LIMCH1: variants seen among roughly 807,000 people sequenced by gnomAD.
LIMCH1 encodes the protein LIM and calponin homology domains-containing protein 1.
In LIMCH1, 113 loss-of-function variants were observed where a neutral mutation model predicts 176.5. The ratio of observed to expected loss-of-function variants is 0.64; its 90% CI spans 0.55 to 0.75. The LOEUF is 0.75. Ranked by LOEUF, LIMCH1 falls within the 30% of genes least tolerant of loss-of-function variation. LIMCH1 has a pLI of 0.00. For missense variants in LIMCH1, 1,674 were observed against 1,814.9 expected, an observed-to-expected ratio of 0.92 and a Z score of 1.41; for synonymous variants, 619 against 645.9, an observed-to-expected ratio of 0.96 and a Z score of 0.63.
At chr4:41,388,235 A>C (rs921014059) in intron 1 of LIMCH1, among the ~76,000 whole-genome samples, 3 of 152,274 alleles carry the variant, frequency 2.0e-5, no homozygotes, top group Non-Finnish European at 2.9e-5. Flanking sequence ...ATAATAGCCC[A>C]AAAGTGGAAA....
At chr4:41,381,351 C>T (rs930241883) in intron 1 of LIMCH1, among the ~76,000 whole-genome samples, 10 of 152,256 alleles carry the variant, frequency 6.6e-5, no homozygotes, top group Non-Finnish European at 1.0e-4. Flanking sequence ...CTCCAAGTAT[C>T]GGTAATACGA....
chr4:41,416,394 G>A (rs1318889456), intron 1 of LIMCH1, among the ~76,000 whole-genome samples: 1 of 152,182 alleles, frequency 6.6e-6, no homozygotes, highest in East Asian at 1.9e-4. Context: ...GCTCACGCTT[G>A]TAATCCCAGC....
At chr4:41,422,230 A>AT (rs2060666614) in intron 1 of LIMCH1, among the ~76,000 whole-genome samples, 1 of 151,870 alleles carries the variant, frequency 6.6e-6, no homozygotes, top group South Asian at 2.1e-4. Context: ...TTATTTATTT[A>AT]TTTTTTTGAG....
intron 1 of LIMCH1, among the ~76,000 whole-genome samples, chr4:41,456,598 A>G (rs2064636829): frequency 6.6e-6 from 1 of 151,946 alleles, no homozygotes; most frequent in Non-Finnish European, 1.5e-5. Context: ...CTGCTGCTTT[A>G]TAACAAACCA....
intron 2 of LIMCH1, among the ~76,000 whole-genome samples, chr4:41,523,516 T>C (rs942400534): frequency 6.6e-6 from 1 of 152,244 alleles, no homozygotes; most frequent in African/African-American, 2.4e-5. Flanking sequence ...TTGCACAGTA[T>C]TCTAAGTTAC....
intron 1 of LIMCH1, among the ~76,000 whole-genome samples, chr4:41,429,899 A>G (rs997913896): frequency 6.6e-6 from 1 of 151,458 alleles, no homozygotes; most frequent in African/African-American, 2.5e-5. Context: ...AATCATGCAC[A>G]CTGTCTTGTG....
chr4:41,562,645 A>G (rs1308506421), intron 1 of LIMCH1, among the ~76,000 whole-genome samples: 3 of 152,316 alleles, frequency 2.0e-5, no homozygotes, highest in South Asian at 2.1e-4. Context: ...GGATGGCTAC[A>G]TAGTCCACTG....
At position 41,403,912 on chromosome 4, in the gene LIMCH1, A is replaced by G. The variant is rs1475059540; in HGVS notation, c.96+42976A>G. On this transcript the variant is annotated intron_variant, in intron 1 of 26. Coordinates refer to the LIMCH1 transcript ENST00000313860. ...TCCAAATATTTAACATTAAAAGAGT[A>G]TTATAAAAAACAAATTGATTTCAGA... Among the ~76,000 whole-genome samples the G allele has an allele frequency of 3.3e-5, 5 of 152,328 alleles. No homozygotes were observed. In the South Asian group the frequency reaches 1.0e-3, roughly 32 times the overall value.
chr4:41,633,652 A>G lies in LIMCH1; in HGVS notation c.1934A>G (p.Lys645Arg), dbSNP rs967814161. 6.5e-7 allele frequency: 1 copy of G among 1,536,064 alleles called. No homozygotes were observed. The highest frequency in any genetic ancestry group is 1.4e-5 in the African/African-American group (1 of 73,060). ...GGCAGTGGACTGAAAGGCCAGCGAAAGTTGGATGATTCACGAAAAGATGAC... is the reference window on the plus strand; with the variant it reads ...GGCAGTGGACTGAAAGGCCAGCGAAGGTTGGATGATTCACGAAAAGATGAC... ...WSGSGLKGQR[K>R]LDDSRKDDMM... The change falls in exon 13 of 32, where the codon AAG (lysine) becomes AGG (arginine). Residue 645 changes from lysine to arginine, a missense_variant. Physicochemically the swap from Lys to Arg is conservative, Grantham distance 26 (BLOSUM62 2). This residue lies in a region of LIMCH1 where 1,015 missense variants were observed against 1,102.5 expected (regional missense o/e 0.92). Coordinates refer to ENST00000503057, the MANE Select transcript of LIMCH1 (RefSeq NM_001330672.2).
chr4:41,599,736 A>G (rs1193550790), intron 2 of LIMCH1, among the ~76,000 whole-genome samples: 2 of 152,230 alleles, frequency 1.3e-5, no homozygotes, highest in Non-Finnish European at 2.9e-5. Flanking sequence ...TGACATGGAT[A>G]TGCCTTAATA....
upstream of LIMCH1, among the ~76,000 whole-genome samples, chr4:41,536,902 G>C (rs762628742): frequency 8.5e-5 from 13 of 152,152 alleles, no homozygotes; most frequent in Non-Finnish European, 1.9e-4. Context: ...TAATAGTAGT[G>C]TACCAGTGTT....
chr4:41,685,719 A>G lies in LIMCH1; in HGVS notation c.3977A>G (p.Gln1326Arg). Residue 1326 changes from glutamine to arginine, a missense_variant, in exon 28 of 32, where the codon CAG (glutamine) becomes CGG (arginine). Physicochemically the swap from Gln to Arg is conservative, Grantham distance 43. Around this residue, in one of 3 missense-constraint regions of LIMCH1, gnomAD observed 1,015 missense variants for 1,102.5 expected, o/e 0.92. Transcript: ENST00000503057. ...TNPQLAQDPS[Q>R]NQQTSNPTHS... is the part of the protein sequence containing the mutation. ...CTTTAATTGGCCTCAGATCCATCCCAGAATCAGCAGACATCAAATCCAACG... is the reference window on the plus strand; with the variant it reads ...CTTTAATTGGCCTCAGATCCATCCCGGAATCAGCAGACATCAAATCCAACG... 1 of 1,613,630 alleles carries G rather than the reference A, an allele frequency of 6.2e-7. No individual in the cohort carries two copies. The highest frequency in any genetic ancestry group is 1.1e-5 in the South Asian group (1 of 91,058).
chr4:41,421,558 A>T (rs1336002743), intron 1 of LIMCH1, among the ~76,000 whole-genome samples: 2 of 152,190 alleles, frequency 1.3e-5, no homozygotes, highest in Non-Finnish European at 2.9e-5. Context: ...TCCTTTACAT[A>T]TGGGGAAACT....
At chr4:41,628,446 A>G (rs2093116056) in intron 8 of LIMCH1, among the ~76,000 whole-genome samples, 1 of 150,490 alleles carries the variant, frequency 6.6e-6, no homozygotes, top group Non-Finnish European at 1.5e-5. Flanking sequence ...AAGGGTCCCT[A>G]GTGCCTCTTT....
intron 2 of LIMCH1, among the ~76,000 whole-genome samples, chr4:41,515,778 C>T (rs2075509872): frequency 6.6e-6 from 1 of 152,082 alleles, no homozygotes; most frequent in Non-Finnish European, 1.5e-5. Context: ...TTTATGGATC[C>T]CAATCCTGGA....
At chr4:41,691,614 AT>A (rs1296784898) in intron 30 of LIMCH1, among the ~76,000 whole-genome samples, 187 of 148,946 alleles carry the variant, frequency 1.3e-3, no homozygotes, top group African/African-American at 3.8e-3. Context: ...AAAAAAAAAA[AT>A]AGCCAGGCGT....
rs147507172 is a variant in LIMCH1 at position 41,672,515 on chromosome 4, C to T, written c.3438+921C>T. ...TATATTGTTGGCAGATAGGACCTGG[C>T]CTGAACTCTCCAAGAGACCCAAACT... On this transcript the variant is annotated intron_variant, in intron 22 of 31. Coordinates refer to ENST00000503057, the MANE Select transcript of LIMCH1 (RefSeq NM_001330672.2). Among the ~76,000 whole-genome samples, 14 of 152,198 alleles carry T rather than the reference C, an allele frequency of 9.2e-5. No homozygotes were observed. The East Asian group carries it at 2.7e-3, about 29-fold the overall frequency.
chr4:41,410,512 C>G (rs906000729), intron 1 of LIMCH1, among the ~76,000 whole-genome samples: 4 of 152,146 alleles, frequency 2.6e-5, no homozygotes, highest in African/African-American at 9.7e-5. Context: ...TTTGCTCTCC[C>G]CTAAAGGATC....
chr4:41,602,652 A>G (rs2090126543), intron 2 of LIMCH1, among the ~76,000 whole-genome samples: 1 of 152,128 alleles, frequency 6.6e-6, no homozygotes, highest in Non-Finnish European at 1.5e-5. Context: ...TACTAAAAAT[A>G]CAAAAATTAG....
Sources: allele counts gnomAD v4.1 joint callset (sites outside exome capture counted in the v4.1 genomes callset), GRCh38; gene constraint gnomAD v4.1.1; regional missense constraint gnomAD v4.1.1; transcripts MANE v1.5; gene names NCBI Gene and HGNC (gene_info 2026-07-23, HGNC 2026-07-21).